The following CPNE2 variants were observed in gnomAD, a reference collection of about 807,000 sequenced individuals.
CPNE2 encodes the protein copine 2.
CPNE2 carries 42 observed loss-of-function variants against 69.7 expected under a neutral mutation model. The observed-to-expected ratio is 0.60, with a 90% CI of 0.47 to 0.78. CPNE2 has a LOEUF of 0.78. CPNE2 is among the 30% of genes least tolerant of loss of function. The probability of loss-of-function intolerance (pLI) is 0.00; values close to 1 mark genes in which losing one functional copy is unlikely to be tolerated. For missense variants in CPNE2, 587 were observed against 732.0 expected (o/e 0.80, Z 2.29); for synonymous variants, 294 against 289.8 (o/e 1.01, Z -0.15).
At chr16:57,101,230 C>G (rs1188456056) in intron 1 of CPNE2, among the ~76,000 whole-genome samples, 2 of 152,220 alleles carry the variant, frequency 1.3e-5, no homozygotes, top group African/African-American at 4.8e-5. Context: ...TGAGCTAATT[C>G]TTGAAAATAC....
chr16:57,124,022 C>A (rs2069781928), intron 10 of CPNE2: 1 of 176,030 alleles, frequency 5.7e-6, no homozygotes, highest in African/African-American at 2.4e-5. Context: ...GCCCTCCCTC[C>A]CTCAATGCCT....
chr16:57,102,007 C>T (rs1484827034), intron 1 of CPNE2, among the ~76,000 whole-genome samples: 1 of 151,084 alleles, frequency 6.6e-6, no homozygotes, highest in Admixed American at 6.6e-5. Flanking sequence ...AGTGCAGTGG[C>T]ATGATCACGG....
intron 3 of CPNE2, 67 bp from the exon 4 acceptor site, chr16:57,115,409 G>A (rs980218142): frequency 3.0e-5 from 39 of 1,314,206 alleles, no homozygotes; most frequent in Non-Finnish European, 3.9e-5. Flanking sequence ...CGGTGCCGGT[G>A]GAGGATTTTT....
chr16:57,147,761 C>T lies in CPNE2; in HGVS notation c.*103C>T. 1.5e-6 allele frequency: 1 copy of T among 673,558 alleles called. No homozygotes were observed. The allele number at this position is 673,558 out of a possible 1,614,324, so 41.7% of individuals were successfully genotyped here. ...TGTGGGTGGCCTTTTTTTACCGATC[C>T]CCTTTTTTATTTTTTACAACCGGAC... is the stretch of plus-strand genomic sequence containing the variant. On this transcript the variant is annotated 3_prime_UTR_variant, in exon 16 of 16. Transcript: ENST00000290776.
chr16:57,107,032 AC>A (rs1267613161), intron 1 of CPNE2, among the ~76,000 whole-genome samples: 1 of 152,158 alleles, frequency 6.6e-6, no homozygotes. Flanking sequence ...CAAGCAAGTG[AC>A]TTTTACTCTC....
chr16:57,117,670 A>G (rs567909236), intron 5 of CPNE2, 103 bp downstream of exon 5: 1 of 1,325,084 alleles, frequency 7.5e-7, no homozygotes, highest in East Asian at 2.5e-5. Context: ...CCTCCATCAC[A>G]TTCTAGGGAC....
chr16:57,093,057 G>A (rs2069554303), intron 1 of CPNE2, among the ~76,000 whole-genome samples: 1 of 152,128 alleles, frequency 6.6e-6, no homozygotes, highest in Non-Finnish European at 1.5e-5. Context: ...CGCCCTCGGG[G>A]GTCCGAGCCC....
intron 11 of CPNE2, among the ~76,000 whole-genome samples, chr16:57,127,287 C>T (rs2069807306): frequency 6.6e-6 from 1 of 152,040 alleles, no homozygotes; most frequent in South Asian, 2.1e-4. Flanking sequence ...GATGGGGGCA[C>T]AACAGCATTG....
intron 8 of CPNE2, 97 bp from the exon 9 acceptor site, chr16:57,121,577 C>A (rs2069762267): frequency 8.5e-7 from 1 of 1,182,068 alleles, no homozygotes; most frequent in Non-Finnish European, 1.2e-6. Flanking sequence ...ATGCTGCCCC[C>A]ATTGTCAAGC....
chr16:57,134,277 G>A (rs1044014750), intron 12 of CPNE2, among the ~76,000 whole-genome samples: 11 of 152,302 alleles, frequency 7.2e-5, no homozygotes, highest in African/African-American at 2.6e-4. Context: ...TCAGCTCTGA[G>A]TGGGCTGTCA....
Position 57,110,892 on chromosome 16 carries a change from C to T in CPNE2, c.150C>T (p.Leu50=). ...VTSKSDPFCV[L]FTENNGRWIE... is the part of the protein sequence containing the mutation. ...CCAAGTCCGACCCCTTCTGTGTCCTCTTTACAGAGAACAATGGCAGATGGA... is the reference window on the plus strand; with the variant it reads ...CCAAGTCCGACCCCTTCTGTGTCCTTTTTACAGAGAACAATGGCAGATGGA... The change falls in exon 2 of 16, where the codon CTC becomes CTT. Residue 50 remains leucine, a synonymous_variant. Coordinates refer to ENST00000290776, the MANE Select transcript of CPNE2 (RefSeq NM_152727.6). 2 of 1,613,208 alleles carry T rather than the reference C, an allele frequency of 1.2e-6. No homozygotes were observed. The highest frequency in any genetic ancestry group is 1.7e-6 in the Non-Finnish European group (2 of 1,179,526).
intron 5 of CPNE2, among the ~76,000 whole-genome samples, chr16:57,118,334 T>TTTC (rs1261092943): frequency 7.9e-6 from 1 of 126,088 alleles, no homozygotes; most frequent in African/African-American, 3.4e-5. Flanking sequence ...CCCAGCTAAT[T>TTTC]TTTTTTTTTT....
chr16:57,110,626 G>C (rs1451164680), intron 1 of CPNE2, 82 bp from the exon 2 acceptor site: 1 of 907,180 alleles, frequency 1.1e-6, no homozygotes, highest in Non-Finnish European at 1.6e-6. Flanking sequence ...ACCTCTTAAA[G>C]GCCAGGTGGT....
intron 10 of CPNE2, chr16:57,124,707 G>A (rs1395857945): frequency 1.6e-5 from 4 of 249,646 alleles, no homozygotes; most frequent in South Asian, 4.2e-5. Context: ...GGGGTGCCAC[G>A]CTCTGCCCAC....
At chr16:57,141,022 C>T (rs2069918702) in intron 14 of CPNE2, 1 of 152,326 alleles carries the variant, frequency 6.6e-6, no homozygotes, top group Non-Finnish European at 1.5e-5. Context: ...CCTGAGCAGG[C>T]TTTCAAAGGG....
chr16:57,123,388 C>A (rs1012683086), intron 9 of CPNE2, 26 bp from the exon 10 acceptor site: 1 of 1,611,240 alleles, frequency 6.2e-7, no homozygotes, highest in African/African-American at 1.3e-5. Context: ...TCAAGGGGAC[C>A]CACTGACTCA....
At chr16:57,128,036 C>T (rs906703608) in intron 12 of CPNE2, 133 bp downstream of exon 12, 32 of 849,752 alleles carry the variant, frequency 3.8e-5, no homozygotes, top group Middle Eastern at 6.6e-4. Context: ...CCCCAGGCCA[C>T]GCTCATTTCT....
Position 57,102,500 on chromosome 16 carries a change from G to A in CPNE2, c.-35-8208G>A, listed in dbSNP as rs372177044. ...CCCATAATTCAATCCCTAGTCCCCC[G>A]TCACTACCATGGTCTCTCTGGGCTT... On this transcript the variant is annotated intron_variant, in intron 1 of 15. Coordinates refer to ENST00000290776, the MANE Select transcript of CPNE2 (RefSeq NM_152727.6). Among the ~76,000 whole-genome samples, 39 of 152,182 alleles carry A rather than the reference G, an allele frequency of 2.6e-4. 1 individual carries two copies. Among genetic ancestry groups the A allele is most frequent in the Admixed American group, 1.8e-3 (27 of 15,298 alleles).
chr16:57,110,982 G>T, intron 2 of CPNE2, 60 bp downstream of exon 2: 3 of 1,502,600 alleles, frequency 2.0e-6, no homozygotes, highest in Non-Finnish European at 2.7e-6. Flanking sequence ...TGGGGAGGGG[G>T]AGTCTCCCAG....
Sources: allele counts gnomAD v4.1 joint callset (sites outside exome capture counted in the v4.1 genomes callset), GRCh38; gene constraint gnomAD v4.1.1; transcripts MANE v1.5; gene names NCBI Gene and HGNC (gene_info 2026-07-23, HGNC 2026-07-21).